Variants in MCTP2 observed in about 807,000 individuals in gnomAD.
MCTP2 encodes the protein multiple C2 and transmembrane domain containing 2, also known as multiple C2 and transmembrane domain-containing protein 2.
In MCTP2, 132 loss-of-function variants were observed where a neutral mutation model predicts 111.6. The ratio of observed to expected loss-of-function variants is 1.18; its 90% confidence interval spans 1.03 to 1.37. The LOEUF (loss-of-function observed/expected upper bound fraction) is 1.37. MCTP2 is among the 40% of genes most tolerant of loss of function. The pLI, the probability that MCTP2 is intolerant of heterozygous loss-of-function variation, is 0.00. For synonymous variants in MCTP2, 395 were observed against 387.7 expected (o/e 1.02, Z -0.22); for missense variants, 1,183 against 1,067.9 (o/e 1.11, Z -1.50).
chr15:94,251,119 T>A (rs897016803), intron 1 of MCTP2, among the ~76,000 whole-genome samples: 3 of 152,184 alleles, frequency 2.0e-5, no homozygotes, highest in African/African-American at 7.2e-5. Flanking sequence ...GATCTGAGTG[T>A]GAGGCGAGTC....
chr15:94,290,266 T>C (rs72767422), intron 1 of MCTP2, among the ~76,000 whole-genome samples: 42,807 of 152,096 alleles, frequency 0.28, 7,003 homozygotes, highest in East Asian at 0.43. Flanking sequence ...ACTAATTTTT[T>C]CATTATTTGT....
chr15:94,471,096 G>T (rs2073889385), intron 21 of MCTP2, among the ~76,000 whole-genome samples: 1 of 152,190 alleles, frequency 6.6e-6, no homozygotes, highest in Admixed American at 6.5e-5. Context: ...CTAGCGGTTG[G>T]ACAAAATGCA....
At chr15:94,386,569 GC>G (rs1413672251) in intron 14 of MCTP2, among the ~76,000 whole-genome samples, 1 of 152,216 alleles carries the variant, frequency 6.6e-6, no homozygotes, top group African/African-American at 2.4e-5. Context: ...GCTGGCTCCT[GC>G]CACATGCTCT....
In MCTP2 at chr15:94,444,497, A is replaced by C. The variant is rs112578680; in HGVS notation, c.2250+1537A>C. 9.5e-3 allele frequency among the ~76,000 whole-genome samples: 1,448 copies of C among 152,298 alleles called. 22 individuals carry two copies. Among genetic ancestry groups the C allele is most frequent in the African/African-American group, 0.033 (1,361 of 41,560 alleles). On this transcript the variant is annotated intron_variant, in intron 19 of 22. Transcript: ENST00000357742. ...ATCATGGGTGATTCTCCTGGCCACC[A>C]GCTCCCCCATCATCAGAGGCTTTCC...
At chr15:94,405,166 GC>G (rs1190875700) in intron 17 of MCTP2, among the ~76,000 whole-genome samples, 1 of 152,198 alleles carries the variant, frequency 6.6e-6, no homozygotes, top group African/African-American at 2.4e-5. Context: ...CCCTGGTGGG[GC>G]TTTTCTTCTT....
intron 17 of MCTP2, among the ~76,000 whole-genome samples, chr15:94,409,820 A>C (rs888084079): frequency 2.0e-5 from 3 of 150,822 alleles, no homozygotes; most frequent in Admixed American, 6.6e-5. Context: ...CATACTGAGC[A>C]CTCGTAAGTC....
chr15:94,287,125 C>T (rs1234544747), intron 1 of MCTP2, among the ~76,000 whole-genome samples: 3 of 152,104 alleles, frequency 2.0e-5, no homozygotes, highest in African/African-American at 7.2e-5. Context: ...AAACCTGACT[C>T]TTAGATTTAT....
At chr15:94,252,482 G>A (rs542432434) in intron 1 of MCTP2, among the ~76,000 whole-genome samples, 3 of 152,164 alleles carry the variant, frequency 2.0e-5, no homozygotes, top group Non-Finnish European at 4.4e-5. Context: ...TTCTAGTAAT[G>A]TCTCCATCTT....
chr15:94,454,295 TGAA>T (rs1253019230), intron 19 of MCTP2, among the ~76,000 whole-genome samples: 8 of 152,182 alleles, frequency 5.3e-5, no homozygotes, highest in Admixed American at 2.0e-4. Context: ...TCCTCCAAAA[TGAA>T]GAAATATGAG....
At chr15:94,408,823 T>C (rs534132532) in intron 17 of MCTP2, among the ~76,000 whole-genome samples, 6 of 152,342 alleles carry the variant, frequency 3.9e-5, no homozygotes, top group African/African-American at 1.4e-4. Context: ...ATCTCAATTA[T>C]TGTAATCATA....
chr15:94,249,012 T>G (rs534844883), intron 1 of MCTP2, among the ~76,000 whole-genome samples: 12 of 152,328 alleles, frequency 7.9e-5, no homozygotes, highest in African/African-American at 2.9e-4. Context: ...TAAATGCTAT[T>G]GAAGCGCTTG....
intron 1 of MCTP2, among the ~76,000 whole-genome samples, chr15:94,286,982 G>A (rs2074789108): frequency 6.6e-6 from 1 of 152,162 alleles, no homozygotes; most frequent in African/African-American, 2.4e-5. Flanking sequence ...AGCCTTTTGA[G>A]TGTTTATGAC....
intron 20 of MCTP2, among the ~76,000 whole-genome samples, chr15:94,464,332 CAA>C (rs759412283): frequency 1.3e-4 from 5 of 39,642 alleles, no homozygotes; most frequent in Non-Finnish European, 2.0e-4. Flanking sequence ...TTGTAATTTT[CAA>C]AGAGTTTGTC....
chr15:94,365,494 T>C (rs2079136716), intron 10 of MCTP2, among the ~76,000 whole-genome samples: 1 of 152,210 alleles, frequency 6.6e-6, no homozygotes, highest in Admixed American at 6.5e-5. Flanking sequence ...ATCTGGTATG[T>C]GGTTCAGCTT....
chr15:94,243,720 C>G (rs1242715737), intron 1 of MCTP2, among the ~76,000 whole-genome samples: 1 of 118,790 alleles, frequency 8.4e-6, no homozygotes, highest in African/African-American at 3.6e-5. Flanking sequence ...TATATGTATA[C>G]ACATACATAT....
chr15:94,371,131 A>G (rs1442919394), intron 12 of MCTP2, among the ~76,000 whole-genome samples: 1 of 152,042 alleles, frequency 6.6e-6, no homozygotes, highest in African/African-American at 2.4e-5. Flanking sequence ...TAGTTGAAAA[A>G]AAAAAAAGTT....
chr15:94,295,582 C>A (rs2075237129), intron 1 of MCTP2, among the ~76,000 whole-genome samples: 1 of 152,076 alleles, frequency 6.6e-6, no homozygotes, highest in Non-Finnish European at 1.5e-5. Context: ...TGGGTCATTC[C>A]CAAACTTCAA....
chr15:94,278,484 G>A (rs759323746), intron 1 of MCTP2, among the ~76,000 whole-genome samples: 1 of 152,168 alleles, frequency 6.6e-6, no homozygotes, highest in Non-Finnish European at 1.5e-5. Flanking sequence ...ATTCAGGATA[G>A]AGTAAATGAC....
At chr15:94,307,644 A>G (rs1225941896) in intron 2 of MCTP2, among the ~76,000 whole-genome samples, 1 of 152,226 alleles carries the variant, frequency 6.6e-6, no homozygotes, top group Non-Finnish European at 1.5e-5. Flanking sequence ...TGCATCACTC[A>G]TAGGGCAGAA....
Sources: gnomAD v4.1 joint callset for allele counts (sites outside exome capture counted in the v4.1 genomes callset) on GRCh38, gnomAD v4.1.1 for gene constraint, MANE v1.5 for transcripts, NCBI Gene and HGNC (gene_info 2026-07-23, HGNC 2026-07-21) for gene names.